The following ZNF385D variants were observed in gnomAD, a reference collection of about 807,000 sequenced individuals.
ZNF385D encodes zinc finger protein 385D, also known as zinc finger protein 659.
A neutral mutation model predicts 35.8 loss-of-function variants in ZNF385D; 15 were observed. The ratio of observed to expected loss-of-function variants is 0.42; its 90% CI spans 0.28 to 0.64. The LOEUF (loss-of-function observed/expected upper bound fraction) is 0.64. ZNF385D is among the 30% of genes least tolerant of loss of function. The pLI, the probability that ZNF385D is intolerant of heterozygous loss-of-function variation, is 0.23. For synonymous variants in ZNF385D, 212 were observed against 186.8 expected, an observed-to-expected ratio of 1.13 and a Z score of -1.10; for missense variants, 474 against 494.6, an observed-to-expected ratio of 0.96 and a Z score of 0.39.
At chr3:21,790,761 T>C (rs1471432787) in intron 3 of ZNF385D, among the ~76,000 whole-genome samples, 1 of 152,224 alleles carries the variant, frequency 6.6e-6, no homozygotes. Flanking sequence ...CTTTTCTCTC[T>C]CCATATGAGA....
In ZNF385D at chr3:22,366,898, G is replaced by T. The variant is rs891052125; in HGVS notation, c.106+5552C>A. ...TGAAGACAAAGGCCGAGATTGGAGT[G>T]ATGTGGCCACAAGCCAAGGAATGGC... is the stretch of plus-strand genomic sequence containing the variant. On this transcript the variant is annotated intron_variant, in intron 2 of 5. Transcript: ENST00000494108. Among the ~76,000 whole-genome samples, 4 of 152,166 alleles carry T rather than the reference G, an allele frequency of 2.6e-5. No homozygotes were observed. In the East Asian group the frequency reaches 7.7e-4, roughly 29 times the overall value.
At chr3:21,805,746 C>G (rs1003076826) in intron 3 of ZNF385D, among the ~76,000 whole-genome samples, 1 of 152,182 alleles carries the variant, frequency 6.6e-6, no homozygotes, top group African/African-American at 2.4e-5. Context: ...TATTTCCTCT[C>G]CTGTCCATCA....
chr3:21,564,561 A>G lies in ZNF385D; in HGVS notation c.276+13T>C, dbSNP rs1008609752. The G allele has an allele frequency of 6.8e-7, 1 of 1,476,138 alleles. No homozygotes were observed. The highest frequency in any genetic ancestry group is 2.4e-5 in the East Asian group (1 of 40,906). The allele number at this position is 1,476,138 out of a possible 1,614,324, so 91.4% of individuals were successfully genotyped here. ...TTTTTTTTTTTTAAGTGAACACTAA[A>G]TGATAAACTTACATCAGAATTAAAT... On this transcript the variant is annotated intron_variant, in intron 3 of 7. Coordinates refer to ENST00000281523, the MANE Select transcript of ZNF385D (RefSeq NM_024697.3).
intron 2 of ZNF385D, among the ~76,000 whole-genome samples, chr3:22,182,018 C>T (rs1202079498): frequency 6.6e-6 from 1 of 151,972 alleles, no homozygotes; most frequent in African/African-American, 2.4e-5. Context: ...GTGGTTCCTT[C>T]CCCAGTTGAA....
chr3:21,478,931 TC>T (rs1704417768), intron 4 of ZNF385D, among the ~76,000 whole-genome samples: 1 of 152,000 alleles, frequency 6.6e-6, no homozygotes, highest in Admixed American at 6.6e-5. Context: ...AATGTTTAGG[TC>T]ATATAAGTCT....
chr3:21,746,727 C>G lies in ZNF385D; in HGVS notation c.22+4168G>C, dbSNP rs116140511. Among the ~76,000 whole-genome samples the G allele has an allele frequency of 5.8e-3, 888 of 152,328 alleles. 15 individuals are homozygous for G. Among genetic ancestry groups the G allele is most frequent in the African/African-American group, 0.02 (847 of 41,580 alleles). On this transcript the variant is annotated intron_variant, in intron 1 of 7. Coordinates refer to ENST00000281523, the MANE Select transcript of ZNF385D (RefSeq NM_024697.3). ...GTCGAGTGGACCTAATTCCTCATAA[C>G]AGATCACTCAGTACAAACTAATTAG...
chr3:21,833,884 C>T (rs1222673930), intron 3 of ZNF385D, among the ~76,000 whole-genome samples: 1 of 151,984 alleles, frequency 6.6e-6, no homozygotes, highest in African/African-American at 2.4e-5. Flanking sequence ...GGGAAGCATA[C>T]AATAATGATA....
intron 3 of ZNF385D, among the ~76,000 whole-genome samples, chr3:22,084,558 G>A (rs1190635068): frequency 6.6e-6 from 1 of 152,094 alleles, no homozygotes; most frequent in Non-Finnish European, 1.5e-5. Flanking sequence ...CCCAATACAG[G>A]AGCACCCAGA....
intron 3 of ZNF385D, among the ~76,000 whole-genome samples, chr3:21,894,861 T>C (rs1575856197): frequency 6.6e-6 from 1 of 152,080 alleles, no homozygotes; most frequent in African/African-American, 2.4e-5. Context: ...CCAGACACCA[T>C]GCCAACCTCT....
intron 3 of ZNF385D, among the ~76,000 whole-genome samples, chr3:21,928,238 G>A (rs900013849): frequency 4.3e-5 from 6 of 140,576 alleles, no homozygotes; most frequent in African/African-American, 1.3e-4. Flanking sequence ...ACGGACAGAC[G>A]GAAGGAAGAA....
intron 3 of ZNF385D, among the ~76,000 whole-genome samples, chr3:21,792,080 A>C (rs2071953895): frequency 6.6e-6 from 1 of 152,184 alleles, no homozygotes; most frequent in Middle Eastern, 3.2e-3. Context: ...AAGACATTTG[A>C]GAATCAAAAG....
At chr3:21,666,867 C>T (rs1008615829) in intron 1 of ZNF385D, among the ~76,000 whole-genome samples, 3 of 152,116 alleles carry the variant, frequency 2.0e-5, no homozygotes, top group Non-Finnish European at 4.4e-5. Context: ...CACTTGAAGT[C>T]AGGAGTTCAA....
At chr3:22,225,353 G>A (rs561817489) in intron 2 of ZNF385D, among the ~76,000 whole-genome samples, 2 of 152,092 alleles carry the variant, frequency 1.3e-5, no homozygotes, top group Non-Finnish European at 1.5e-5. Flanking sequence ...TGAGGCTCTC[G>A]TGTAACCCGC....
chr3:22,132,180 G>C (rs761307984), intron 3 of ZNF385D, among the ~76,000 whole-genome samples: 42 of 152,070 alleles, frequency 2.8e-4, no homozygotes, highest in Non-Finnish European at 2.8e-4. Context: ...GGTATTTGGA[G>C]GCAGGATCTT....
chr3:22,229,745 T>C (rs1698772487), intron 2 of ZNF385D, among the ~76,000 whole-genome samples: 1 of 152,040 alleles, frequency 6.6e-6, no homozygotes, highest in Non-Finnish European at 1.5e-5. Flanking sequence ...ACTCAAACAT[T>C]TTTTTTAGAT....
At chr3:22,216,906 A>G (rs1697923889) in intron 2 of ZNF385D, among the ~76,000 whole-genome samples, 2 of 152,148 alleles carry the variant, frequency 1.3e-5, no homozygotes, top group Admixed American at 1.3e-4. Context: ...TTTGAAAGTC[A>G]TATGATGAAG....
chr3:22,233,124 C>T (rs1278749326), intron 2 of ZNF385D, among the ~76,000 whole-genome samples: 3 of 151,890 alleles, frequency 2.0e-5, no homozygotes, highest in South Asian at 2.1e-4. Flanking sequence ...AGTCCTCTTA[C>T]CTGCTTAAAA....
At chr3:21,903,986 T>A (rs1559739528) in intron 3 of ZNF385D, among the ~76,000 whole-genome samples, 1 of 152,116 alleles carries the variant, frequency 6.6e-6, no homozygotes, top group Non-Finnish European at 1.5e-5. Context: ...AAGGTTTGCA[T>A]CCCCATATGT....
intron 3 of ZNF385D, among the ~76,000 whole-genome samples, chr3:21,879,705 G>A (rs779033): frequency 0.51 from 76,883 of 151,840 alleles, 19,765 homozygotes; most frequent in Non-Finnish European, 0.54. Context: ...TCTCTGAGCC[G>A]CTAGGCGCTT....
Sources: gnomAD v4.1 joint callset for allele counts (sites outside exome capture counted in the v4.1 genomes callset) on GRCh38, gnomAD v4.1.1 for gene constraint, MANE v1.5 for transcripts, NCBI Gene and HGNC (gene_info 2026-07-23, HGNC 2026-07-21) for gene names.